Variants in ATL2 observed in about 807,000 individuals in gnomAD.
ATL2 encodes atlastin-2.
ATL2 carries 31 observed loss-of-function variants against 73.9 expected under a neutral mutation model. That is an observed-to-expected ratio of 0.42 (90% CI 0.32 to 0.57). The LOEUF is 0.57. Among genes scored for constraint, ATL2 ranks in the 20% least tolerant of loss-of-function variants. ATL2 has a pLI of 0.14. For synonymous variants in ATL2, 291 were observed against 237.5 expected, an observed-to-expected ratio of 1.23 and a Z score of -2.07; for missense variants, 738 against 702.6, an observed-to-expected ratio of 1.05 and a Z score of -0.57.
chr2:38,376,312 G>A (rs938636564), intron 1 of ATL2: 16 of 1,272,874 alleles, frequency 1.3e-5, no homozygotes, highest in Non-Finnish European at 1.6e-5. Context: ...GTCTTCGAGG[G>A]GGCAGGGGCG....
chr2:38,304,064 G>C (rs562415900), intron 9 of ATL2, among the ~76,000 whole-genome samples: 2 of 152,268 alleles, frequency 1.3e-5, no homozygotes, highest in East Asian at 1.9e-4. Context: ...AGGAGTTGGA[G>C]ACCAGCCTGT....
chr2:38,334,830 A>G (rs1437573609), intron 2 of ATL2, among the ~76,000 whole-genome samples: 2 of 139,838 alleles, frequency 1.4e-5, no homozygotes, highest in Non-Finnish European at 3.0e-5. Context: ...AATATTCAAC[A>G]TTATAGTTAT....
At chr2:38,367,196 G>C (rs915417522) in intron 1 of ATL2, among the ~76,000 whole-genome samples, 1 of 151,828 alleles carries the variant, frequency 6.6e-6, no homozygotes, top group African/African-American at 2.4e-5. Flanking sequence ...CTTATTTGTA[G>C]AGATCTGAAC....
chr2:38,342,795 T>C (rs1409700703), intron 2 of ATL2, among the ~76,000 whole-genome samples: 1 of 152,168 alleles, frequency 6.6e-6, no homozygotes, highest in Non-Finnish European at 1.5e-5. Flanking sequence ...GGAACACAGA[T>C]GCTCAATTAT....
intron 1 of ATL2, among the ~76,000 whole-genome samples, chr2:38,345,614 G>T (rs1400047229): frequency 6.6e-6 from 1 of 152,186 alleles, no homozygotes. Flanking sequence ...TGTATCAATG[G>T]TATATAGCAA....
intron 1 of ATL2, among the ~76,000 whole-genome samples, chr2:38,370,837 C>T (rs145428663): frequency 1.6e-4 from 24 of 151,800 alleles, no homozygotes; most frequent in African/African-American, 5.6e-4. Flanking sequence ...GCCTGTAGAC[C>T]TAGCTACATA....
intron 2 of ATL2, among the ~76,000 whole-genome samples, chr2:38,328,412 A>G (rs368705292): frequency 3.3e-5 from 5 of 152,224 alleles, no homozygotes; most frequent in South Asian, 2.1e-4. Flanking sequence ...ACCAAGGTAG[A>G]CCATATCCTG....
chr2:38,322,564 G>A (rs1668384144), intron 2 of ATL2, among the ~76,000 whole-genome samples: 1 of 152,064 alleles, frequency 6.6e-6, no homozygotes, highest in South Asian at 2.1e-4. Context: ...AAGTATAGAT[G>A]ACTGAAATCA....
intron 1 of ATL2, among the ~76,000 whole-genome samples, chr2:38,356,529 T>C (rs1157830475): frequency 1.3e-5 from 2 of 152,170 alleles, no homozygotes; most frequent in Admixed American, 6.5e-5. Context: ...AAATCTGCTG[T>C]GTATTTTACA....
chr2:38,330,142 GA>G (rs58004868), intron 2 of ATL2, among the ~76,000 whole-genome samples: 14 of 92,522 alleles, frequency 1.5e-4, no homozygotes, highest in African/African-American at 4.2e-4. Context: ...AGAAAAGAAA[GA>G]AAAAAAAAAC....
chr2:38,368,859 T>C (rs899416705), intron 1 of ATL2, among the ~76,000 whole-genome samples: 1 of 151,446 alleles, frequency 6.6e-6, no homozygotes, highest in South Asian at 2.1e-4. Flanking sequence ...GAGGTGGAGG[T>C]TGGAGGATCG....
At chr2:38,347,465 C>G (rs1240214679) in intron 1 of ATL2, among the ~76,000 whole-genome samples, 4 of 152,180 alleles carry the variant, frequency 2.6e-5, no homozygotes, top group Non-Finnish European at 4.4e-5. Context: ...CAGCATGGCC[C>G]TCCCTGACCA....
chr2:38,337,837 A>T (rs762655011), intron 2 of ATL2, among the ~76,000 whole-genome samples: 20 of 152,164 alleles, frequency 1.3e-4, no homozygotes, highest in Non-Finnish European at 2.8e-4. Context: ...AAGAAAAAAC[A>T]GGAAATGGTA....
intron 2 of ATL2, among the ~76,000 whole-genome samples, chr2:38,332,711 A>AT (rs1669071146): frequency 6.6e-6 from 1 of 152,232 alleles, no homozygotes; most frequent in African/African-American, 2.4e-5. Context: ...ACCCACTTGT[A>AT]TAACACTACC....
intron 2 of ATL2, among the ~76,000 whole-genome samples, chr2:38,332,278 C>T (rs182562249): frequency 7.0e-4 from 107 of 152,332 alleles, no homozygotes; most frequent in African/African-American, 2.4e-3. Flanking sequence ...ACAATCAGGG[C>T]TCACTGTAAC....
intron 1 of ATL2, among the ~76,000 whole-genome samples, chr2:38,355,840 C>T (rs975661186): frequency 1.3e-5 from 2 of 151,696 alleles, no homozygotes; most frequent in African/African-American, 4.8e-5. Context: ...GTTGGGATTA[C>T]AGGCACGCAC....
At chr2:38,377,671 C>T (rs936679196), upstream of ATL2, among the ~76,000 whole-genome samples, 3 of 152,200 alleles carry the variant, frequency 2.0e-5, no homozygotes, top group African/African-American at 7.2e-5. Flanking sequence ...CTTTACATCT[C>T]TAATCGTTGA....
chr2:38,332,836 T>C (rs1669077570), intron 2 of ATL2, among the ~76,000 whole-genome samples: 1 of 152,192 alleles, frequency 6.6e-6, no homozygotes, highest in African/African-American at 2.4e-5. Flanking sequence ...AGAATTATGG[T>C]ATACATTCTC....
chr2:38,368,948 A>G (rs1671509374), intron 1 of ATL2, among the ~76,000 whole-genome samples: 1 of 152,120 alleles, frequency 6.6e-6, no homozygotes, highest in South Asian at 2.1e-4. Context: ...ACTAATTCAC[A>G]TTTTCAATTT....
Sources: gnomAD v4.1 joint callset for allele counts (sites outside exome capture counted in the v4.1 genomes callset) on GRCh38, gnomAD v4.1.1 for gene constraint, MANE v1.5 for transcripts, NCBI Gene and HGNC (gene_info 2026-07-23, HGNC 2026-07-21) for gene names.